Variants in USP53 observed in about 807,000 individuals in gnomAD.
USP53 encodes the protein ubiquitin specific peptidase 53, also known as ubiquitin carboxyl-terminal hydrolase 53.
In USP53, 71 loss-of-function variants were observed where a neutral mutation model predicts 94.9. The ratio of observed to expected loss-of-function variants is 0.75; its 90% CI spans 0.62 to 0.91. USP53 has a LOEUF of 0.91. Among genes scored for constraint, USP53 ranks in the 40% least tolerant of loss-of-function variants. The probability of loss-of-function intolerance (pLI) is 0.00; values close to 1 mark genes in which losing one functional copy is unlikely to be tolerated. For missense variants in USP53, 1,173 were observed against 1,281.0 expected (o/e 0.92, Z 1.29); for synonymous variants, 375 against 422.7 (o/e 0.89, Z 1.39).
At chr4:119,279,286 A>C in intron 17 of USP53, among the ~76,000 whole-genome samples, 1 of 130,968 alleles carries the variant, frequency 7.6e-6, no homozygotes, top group Non-Finnish European at 1.6e-5. Flanking sequence ...TTTGGTGTGG[A>C]TGTCCTTTCT....
chr4:119,292,500 GA>G lies in USP53; in HGVS notation c.2512del (p.Arg838GlufsTer17). On this transcript the variant is annotated frameshift_variant, in exon 19 of 19. Coordinates refer to ENST00000692078, the MANE Select transcript of USP53 (RefSeq NM_001371395.1). LOFTEE classifies it low-confidence loss of function (END_TRUNC). ...SEWLNIENSE[R>X]TGLPFHVDNS... Reference sequence around the variant, plus strand: ...AGTGGCTTAATATAGAAAATTCTGAGAGAACAGGTTTGCCTTTTCACGTTGA... The same window carrying G: ...AGTGGCTTAATATAGAAAATTCTGAGGAACAGGTTTGCCTTTTCACGTTGA... The G allele has an allele frequency of 6.2e-7, 1 of 1,613,950 alleles. No homozygotes were observed. The highest frequency in any genetic ancestry group is 2.2e-5 in the East Asian group (1 of 44,872).
At position 119,271,674 on chromosome 4, in the gene USP53, A is replaced by G; in HGVS notation, c.1814A>G (p.His605Arg). 6.2e-7 allele frequency: 1 copy of G among 1,614,048 alleles called. No individual in the cohort carries two copies. Among genetic ancestry groups the G allele is most frequent in the East Asian group, 2.2e-5 (1 of 44,868 alleles). The change falls in exon 16 of 19, where the codon CAT becomes CGT. Residue 605 changes from histidine (H) to arginine (R), a missense_variant. Physicochemically the swap from His to Arg is conservative, Grantham distance 29. Coordinates refer to ENST00000692078, the MANE Select transcript of USP53 (RefSeq NM_001371395.1). ...TTTAGTGAAAGTGAAAAAAGACAGC[A>G]TAGTCCAAGACATAAACCAAATATC... ...SIFSESEKRQ[H>R]SPRHKPNISN...
chr4:119,250,838 T>G (rs1175378240), intron 7 of USP53, among the ~76,000 whole-genome samples: 1 of 152,080 alleles, frequency 6.6e-6, no homozygotes, highest in Non-Finnish European at 1.5e-5. Flanking sequence ...TGCATTATGG[T>G]GTTAGTGTAG....
upstream of USP53, chr4:119,212,616 G>A: frequency 2.5e-6 from 1 of 399,432 alleles, no homozygotes. Flanking sequence ...GATCGCAGGT[G>A]TCACTGGCCT....
Position 119,293,001 on chromosome 4 carries a change from TAAC to T in USP53, c.3013_3015del (p.Asn1005del), listed in dbSNP as rs1754938097. The T allele has an allele frequency of 6.2e-7, 1 of 1,613,974 alleles. No homozygotes were observed. Among genetic ancestry groups the T allele is most frequent in the African/African-American group, 1.3e-5 (1 of 74,914 alleles). On this transcript the variant is annotated inframe_deletion, in exon 19 of 19. Transcript: ENST00000692078. ...CAAACTGTCCATCCAGCTCCTCAAC[TAAC>T]GATTTTCAGGCAAACTCAGGTGCCA...
intron 12 of USP53, among the ~76,000 whole-genome samples, chr4:119,264,562 T>C (rs1374725556): frequency 1.3e-5 from 2 of 152,286 alleles, no homozygotes; most frequent in East Asian, 3.9e-4. Context: ...TGAATATACA[T>C]GAATGGCCCT....
intron 6 of USP53, 145 bp downstream of exon 6, chr4:119,245,574 T>C (rs1748121086): frequency 3.3e-6 from 2 of 613,702 alleles, no homozygotes; most frequent in Non-Finnish European, 5.6e-6. Flanking sequence ...GTATGACTTA[T>C]TCAGGTTTGT....
At chr4:119,291,342 T>G in intron 18 of USP53, 81 bp downstream of exon 18, 1 of 832,302 alleles carries the variant, frequency 1.2e-6, no homozygotes, top group Non-Finnish European at 1.9e-6. Flanking sequence ...ATTATTACTT[T>G]GAAAGCAATG....
At position 119,292,512 on chromosome 4, in the gene USP53, G is replaced by A. The variant is rs752634098; in HGVS notation, c.2523G>A (p.Leu841=). The A allele has an allele frequency of 6.2e-7, 1 of 1,613,976 alleles. No homozygotes were observed. The highest frequency in any genetic ancestry group is 1.1e-5 in the South Asian group (1 of 91,064). ...TAGAAAATTCTGAGAGAACAGGTTT[G>A]CCTTTTCACGTTGATAACTCTGCTT... ...LNIENSERTG[L]PFHVDNSASG... The change falls in exon 19 of 19, where the codon TTG becomes TTA. Residue 841 remains leucine (L), a synonymous_variant. Coordinates refer to ENST00000692078, the MANE Select transcript of USP53 (RefSeq NM_001371395.1).
rs1361663714 is a variant in USP53 at position 119,212,780 on chromosome 4, GC to G, written c.-1034del. ...CTGGCGGGTGTCGGCGTGAAGCGGG[GC>G]TGGGCCAGCGGGAGGTAGCTCTGTG... On this transcript the variant is annotated 5_prime_UTR_variant, in exon 1 of 19. Transcript: ENST00000692078. 1 of 308,644 alleles carries G rather than the reference GC, an allele frequency of 3.2e-6. No individual in the cohort carries two copies. The highest frequency in any genetic ancestry group is 6.5e-6 in the Non-Finnish European group (1 of 152,688). 19.1% of individuals were successfully genotyped at this position (308,644 alleles called of 1,614,324 possible).
chr4:119,289,018 T>TTTTTGTTACTA (rs1754437258), intron 17 of USP53, among the ~76,000 whole-genome samples: 1 of 152,116 alleles, frequency 6.6e-6, no homozygotes, highest in Non-Finnish European at 1.5e-5. Flanking sequence ...ACTAATATCT[T>TTTTTGTTACTA]TCTAAAAACT....
chr4:119,247,914 G>A (rs369287360), intron 6 of USP53, among the ~76,000 whole-genome samples: 1 of 151,640 alleles, frequency 6.6e-6, no homozygotes, highest in African/African-American at 2.4e-5. Context: ...TTTATAAATT[G>A]TATTTTTTTG....
chr4:119,269,688 C>T lies in USP53; in HGVS notation c.1289-3C>T. On this transcript the variant is annotated splice_polypyrimidine_tract_variant and splice_region_variant and intron_variant, in intron 14 of 18. Transcript: ENST00000692078. ...ATCATAGTAAGAATGATTTCTTTTA[C>T]AGCTAAGTTAAGTCACATTGATCAA... 7.1e-7 allele frequency: 1 copy of T among 1,402,996 alleles called. No individual in the cohort carries two copies. 86.9% of individuals were successfully genotyped at this position (1,402,996 alleles called of 1,614,324 possible).
At chr4:119,243,330 T>C (rs1457223334) in intron 5 of USP53, among the ~76,000 whole-genome samples, 1 of 151,990 alleles carries the variant, frequency 6.6e-6, no homozygotes, top group African/African-American at 2.4e-5. Flanking sequence ...AAACCCCGTC[T>C]CTACCAAAAA....
At position 119,271,448 on chromosome 4, in the gene USP53, C is replaced by A. The variant is rs1578530691; in HGVS notation, c.1588C>A (p.Gln530Lys). The A allele has an allele frequency of 6.2e-7, 1 of 1,613,606 alleles. No individual in the cohort carries two copies. Among genetic ancestry groups the A allele is most frequent in the African/African-American group, 1.3e-5 (1 of 74,956 alleles). ...TGTACCTCAGAGTCGAGCTTCTGCA[C>A]AAATAATAAGTTCAAGTAAATCCCA... ...RVVPQSRASA[Q>K]IISSSKSQIL... Residue 530 changes from glutamine (Q) to lysine (K), a missense_variant, in exon 16 of 19, where the codon CAA (glutamine) becomes AAA (lysine). Gln to Lys is a moderately conservative substitution (Grantham distance 53, BLOSUM62 1). Coordinates refer to ENST00000692078, the MANE Select transcript of USP53 (RefSeq NM_001371395.1).
At chr4:119,213,873 A>AAAAC (rs937172054) in intron 1 of USP53, among the ~76,000 whole-genome samples, 197 bp from the exon 2 acceptor site, 9 of 136,398 alleles carry the variant, frequency 6.6e-5, no homozygotes, top group Admixed American at 1.5e-4. Context: ...CCGTCTCCAA[A>AAAAC]AAACAAACAA....
In USP53 at chr4:119,295,091, A is replaced by T. The variant is rs1197056422; in HGVS notation, c.*1880A>T. ...GTGAGTTGGAAATGTATTATTTGAA[A>T]CATTTAAACTAATTTTTGTATTTAA... On this transcript the variant is annotated 3_prime_UTR_variant, in exon 19 of 19. Transcript: ENST00000692078. The T allele has an allele frequency of 6.6e-6, 1 of 152,050 alleles. No individual in the cohort carries two copies. The highest frequency in any genetic ancestry group is 1.5e-5 in the Non-Finnish European group (1 of 67,994). The allele number at this position is 152,050 out of a possible 1,614,324, so 9.4% of individuals were successfully genotyped here.
chr4:119,264,961 G>A (rs924178098), intron 12 of USP53, among the ~76,000 whole-genome samples: 1 of 152,178 alleles, frequency 6.6e-6, no homozygotes, highest in African/African-American at 2.4e-5. Context: ...ATAATACTCA[G>A]CAAGAAGGAC....
chr4:119,227,166 C>T (rs1228224190), intron 3 of USP53, among the ~76,000 whole-genome samples: 1 of 151,170 alleles, frequency 6.6e-6, no homozygotes, highest in Non-Finnish European at 1.5e-5. Flanking sequence ...TATTCCAAAG[C>T]AATTTAGGGA....
Sources: allele counts gnomAD v4.1 joint callset (sites outside exome capture counted in the v4.1 genomes callset), GRCh38; gene constraint gnomAD v4.1.1; transcripts MANE v1.5; gene names NCBI Gene and HGNC (gene_info 2026-07-23, HGNC 2026-07-21).